MAPT: variants seen among roughly 807,000 people sequenced by gnomAD.
MAPT encodes the protein microtubule-associated protein tau.
MAPT carries 34 observed loss-of-function variants against 67.9 expected under a neutral mutation model. The observed-to-expected ratio is 0.50, with a 90% CI of 0.38 to 0.67. MAPT has a LOEUF of 0.67. Ranked by LOEUF, MAPT falls within the 30% of genes least tolerant of loss-of-function variation. MAPT has a pLI of 0.00. For synonymous variants in MAPT, 456 were observed against 464.5 expected (o/e 0.98, Z 0.23); for missense variants, 881 against 1,115.2 (o/e 0.79, Z 2.99).
At chr17:45,967,409 A>T (rs1481975060) in intron 2 of MAPT, among the ~76,000 whole-genome samples, 2 of 152,218 alleles carry the variant, frequency 1.3e-5, no homozygotes, top group Non-Finnish European at 2.9e-5. Context: ...CTGGCAGTCA[A>T]GGCTGCTGAA....
intron 12 of MAPT, among the ~76,000 whole-genome samples, chr17:46,019,638 G>C (rs554930241): frequency 5.1e-4 from 78 of 151,758 alleles, no homozygotes; most frequent in African/African-American, 1.7e-3. Context: ...CAAGGTGCTG[G>C]GATTACAGGT....
intron 4 of MAPT, among the ~76,000 whole-genome samples, chr17:45,981,909 G>A (rs1438587368): frequency 1.3e-5 from 2 of 151,676 alleles, no homozygotes; most frequent in Non-Finnish European, 2.9e-5. Flanking sequence ...GGTCCCAGCT[G>A]CTTGGGAGGG....
intron 9 of MAPT, among the ~76,000 whole-genome samples, chr17:46,002,474 G>T (rs2075079155): frequency 6.6e-6 from 1 of 152,180 alleles, no homozygotes; most frequent in East Asian, 1.9e-4. Flanking sequence ...GGAGAAGGGG[G>T]TGTGCAGGAT....
intron 1 of MAPT, among the ~76,000 whole-genome samples, chr17:45,946,107 GT>G (rs1225497243): frequency 6.6e-6 from 1 of 151,732 alleles, no homozygotes; most frequent in Non-Finnish European, 1.5e-5. Flanking sequence ...AAGAAAGACA[GT>G]TTTTTTTGCT....
chr17:45,897,386 T>C lies in MAPT; in HGVS notation c.-18+2700T>C, dbSNP rs2063325839. The C allele has an allele frequency of 1.3e-5, 2 of 152,262 alleles. No homozygotes were observed. Among genetic ancestry groups the C allele is most frequent in the Non-Finnish European group, 2.9e-5 (2 of 68,042 alleles). 9.4% of individuals were successfully genotyped at this position (152,262 alleles called of 1,614,324 possible). A position where few individuals can be genotyped will look rare whatever the true frequency, so the allele number is the denominator to read the frequency against. ...CGCGCTTCTGCGATTTCGCTCCATT[T>C]TGAAATGTGTTGGCGCTTTGGTGGG... On this transcript the variant is annotated intron_variant, in intron 1 of 12. Coordinates refer to ENST00000262410, the MANE Select transcript of MAPT (RefSeq NM_001377265.1). This position sits in a 1 kb window ranked among gnomAD's most constrained non-coding sequence, Gnocchi z 5.0.
At chr17:45,985,820 T>C (rs2073484459) in intron 5 of MAPT, 5 of 657,332 alleles carry the variant, frequency 7.6e-6, no homozygotes, top group Non-Finnish European at 7.5e-6. Context: ...GACCCAGTTG[T>C]GGGGTAAGCC....
intron 2 of MAPT, among the ~76,000 whole-genome samples, chr17:45,967,924 C>T (rs1196407265): frequency 6.6e-6 from 1 of 152,158 alleles, no homozygotes. Context: ...TGACCCTGGC[C>T]AGTTCCTCCC....
chr17:45,903,952 T>TTATATA (rs1179200895), intron 1 of MAPT, among the ~76,000 whole-genome samples: 2 of 13,208 alleles, frequency 1.5e-4, no homozygotes, highest in African/African-American at 5.8e-4. Flanking sequence ...ATAATATATA[T>TTATATA]TATATATTAT....
chr17:46,019,258 A>G (rs533202118), intron 12 of MAPT, among the ~76,000 whole-genome samples: 1 of 152,150 alleles, frequency 6.6e-6, no homozygotes, highest in East Asian at 2.0e-4. Flanking sequence ...TTTATTCACT[A>G]TCATGAGAAC....
intron 9 of MAPT, among the ~76,000 whole-genome samples, chr17:45,997,744 A>T (rs2004674): frequency 0.14 from 22,064 of 152,202 alleles, 2,141 homozygotes; most frequent in Non-Finnish European, 0.22. Flanking sequence ...TGAGCAACAG[A>T]GCGAGACTCT....
At chr17:46,011,060 G>A (rs930745869) in intron 10 of MAPT, among the ~76,000 whole-genome samples, 13 of 152,362 alleles carry the variant, frequency 8.5e-5, no homozygotes, top group Non-Finnish European at 1.9e-4. Context: ...TCTGCCCAGC[G>A]TTGAGGTGTG....
rs2075765686 is a variant in MAPT at position 46,010,668 on chromosome 17, A to G, written c.2091+266A>G. ...CCTGCGCAGGCTGTGTGGACAGAAT[A>G]GGGCAGATGACGGACCCTCTCTCCG... On this transcript the variant is annotated intron_variant, in intron 10 of 12. Coordinates refer to ENST00000262410, the MANE Select transcript of MAPT (RefSeq NM_001377265.1). The surrounding 1 kb of genome is among the most constrained non-coding windows in gnomAD (Gnocchi z 4.7). Among the ~76,000 whole-genome samples, 1 of 152,150 alleles carries G rather than the reference A, an allele frequency of 6.6e-6. No homozygotes were observed. The highest frequency in any genetic ancestry group is 1.5e-5 in the Non-Finnish European group (1 of 68,010).
intron 1 of MAPT, among the ~76,000 whole-genome samples, chr17:45,941,117 C>T (rs2067810837): frequency 6.6e-6 from 1 of 152,170 alleles, no homozygotes; most frequent in Non-Finnish European, 1.5e-5. Flanking sequence ...CCTGACCAAA[C>T]CAGCTTCTGC....
chr17:46,016,345 C>T (rs1186422386), intron 11 of MAPT, among the ~76,000 whole-genome samples: 1 of 148,368 alleles, frequency 6.7e-6, no homozygotes, highest in African/African-American at 2.5e-5. Context: ...GAGCCAAGAT[C>T]GTGCCAATGC....
At chr17:45,956,548 T>TTTTATA (rs2069675810) in intron 1 of MAPT, among the ~76,000 whole-genome samples, 1 of 95,258 alleles carries the variant, frequency 1.0e-5, no homozygotes, top group African/African-American at 3.9e-5. Context: ...GCAGGTTCTT[T>TTTTATA]TATATATATA....
chr17:45,957,514 G>T (rs1424480865), intron 1 of MAPT, among the ~76,000 whole-genome samples: 1 of 152,208 alleles, frequency 6.6e-6, no homozygotes, highest in Non-Finnish European at 1.5e-5. Flanking sequence ...TGGAACCACT[G>T]CCACTGTGGC....
intron 2 of MAPT, among the ~76,000 whole-genome samples, chr17:45,963,541 G>A (rs749865345): frequency 7.9e-5 from 12 of 152,218 alleles, no homozygotes; most frequent in African/African-American, 9.6e-5. Context: ...AGTGCAGCCC[G>A]AGGGCAGGAT....
intron 4 of MAPT, 150 bp from the exon 5 acceptor site, chr17:45,982,716 A>G (rs774093291): frequency 1.2e-4 from 27 of 223,210 alleles, no homozygotes; most frequent in Non-Finnish European, 1.9e-4. Flanking sequence ...AAGCAAAGGC[A>G]ACGAGACGAG....
chr17:45,980,884 G>T, intron 4 of MAPT, among the ~76,000 whole-genome samples: 1 of 152,124 alleles, frequency 6.6e-6, no homozygotes, highest in East Asian at 1.9e-4. Flanking sequence ...GACTGACAAA[G>T]GGCTCCCATA....
Sources: allele counts gnomAD v4.1 joint callset (sites outside exome capture counted in the v4.1 genomes callset), GRCh38; gene constraint gnomAD v4.1.1; non-coding constraint Gnocchi (gnomAD v3.1); transcripts MANE v1.5; gene names NCBI Gene and HGNC (gene_info 2026-07-23, HGNC 2026-07-21).